GPAT3: variants seen among roughly 807,000 people sequenced by gnomAD.
GPAT3 encodes the protein glycerol-3-phosphate acyltransferase 3, also known as 1-AGP acyltransferase 9.
GPAT3 carries 53 observed loss-of-function variants against 58.8 expected under a neutral mutation model. The ratio of observed to expected loss-of-function variants is 0.90; its 90% confidence interval spans 0.72 to 1.13. The LOEUF is 1.13. GPAT3 is among the 50% of genes most tolerant of loss of function. The pLI is 0.00. For missense variants in GPAT3, 511 were observed against 527.6 expected, an observed-to-expected ratio of 0.97 and a Z score of 0.31; for synonymous variants, 197 against 187.4, an observed-to-expected ratio of 1.05 and a Z score of -0.42.
At chr4:83,562,209 TATTATATATATATATAATATATATATA>T (rs1560611047) in intron 2 of GPAT3, among the ~76,000 whole-genome samples, 55 of 33,994 alleles carry the variant, frequency 1.6e-3, no homozygotes, top group South Asian at 4.5e-3. Context: ...AATATATATA[TATTATATATATATATAATATATATATA>T]ATATATATAT....
At position 83,587,298 on chromosome 4, in the gene GPAT3, A is replaced by G. The variant is rs1320000078; in HGVS notation, c.523A>G (p.Thr175Ala). 2 of 1,613,848 alleles carry G rather than the reference A, an allele frequency of 1.2e-6. No homozygotes were observed. The highest frequency in any genetic ancestry group is 1.7e-6 in the Non-Finnish European group (2 of 1,179,958). ...FIGISLLVIGTTLVGQLPDSS... is the reference protein window; with the variant it reads ...FIGISLLVIGATLVGQLPDSS... The stretch of plus-strand genomic sequence containing the variant: ...TGGGATCAGTTTGCTGGTTATAGGA[A>G]CTACACTGGTTGGGCAGCTGCCAGA... Residue 175 changes from threonine (T) to alanine (A), a missense_variant, in exon 4 of 12, where the codon ACT becomes GCT. By Grantham distance (58) the Thr-to-Ala change is moderately conservative. Coordinates refer to ENST00000264409, the MANE Select transcript of GPAT3 (RefSeq NM_032717.5).
intron 1 of GPAT3, among the ~76,000 whole-genome samples, chr4:83,541,184 TC>T (rs2110068614): frequency 6.6e-6 from 1 of 152,090 alleles, no homozygotes; most frequent in Admixed American, 6.6e-5. Flanking sequence ...TAGTGCAAAT[TC>T]CCTTAGGCAC....
chr4:83,556,537 A>G (rs751772755), intron 2 of GPAT3, among the ~76,000 whole-genome samples: 2 of 150,524 alleles, frequency 1.3e-5, no homozygotes, highest in Non-Finnish European at 2.9e-5. Flanking sequence ...CAAAAAAGGG[A>G]ACTCTGCCTG....
chr4:83,598,501 A>G (rs1358215029), intron 10 of GPAT3, 143 bp from the exon 11 acceptor site: 12 of 818,454 alleles, frequency 1.5e-5, no homozygotes, highest in Non-Finnish European at 2.4e-5. Flanking sequence ...AACAAATGAT[A>G]TTTGCTATGA....
rs776099470 is a variant in GPAT3, at chr4:83,596,856, A to G, written c.855-2A>G. The G allele has an allele frequency of 6.2e-7, 1 of 1,602,862 alleles. No homozygotes were observed. The highest frequency in any genetic ancestry group is 8.5e-7 in the Non-Finnish European group (1 of 1,175,886). ...GAATTTTGATCCTTTTTTTTTCCAT[A>G]GACTAAAAGAACATATTGCTGATAA... On this transcript the variant is annotated splice_acceptor_variant, in intron 7 of 11. Transcript: ENST00000264409. LOFTEE classifies it high-confidence loss of function.
Position 83,598,159 on chromosome 4 carries a change from A to G in GPAT3, c.1105A>G (p.Met369Val). 4 of 1,613,260 alleles carry G rather than the reference A, an allele frequency of 2.5e-6. No homozygotes were observed. The highest frequency in any genetic ancestry group is 3.4e-6 in the Non-Finnish European group (4 of 1,179,742). The change falls in exon 10 of 12, where the codon ATG (methionine) becomes GTG (valine). Residue 369 changes from methionine (M) to valine (V), a missense_variant. Physicochemically the swap from Met to Val is conservative, Grantham distance 21. Coordinates refer to ENST00000264409, the MANE Select transcript of GPAT3 (RefSeq NM_032717.5). ...SWAIVCDVWYMPPMTREEGED... is the reference protein window; with the variant it reads ...SWAIVCDVWYVPPMTREEGED... ...GGCCATCGTCTGTGACGTGTGGTAC[A>G]TGCCCCCCATGACCAGAGAGGTATT...
chr4:83,599,548 G>C (rs1481009864), intron 11 of GPAT3, among the ~76,000 whole-genome samples: 1 of 152,142 alleles, frequency 6.6e-6, no homozygotes, highest in East Asian at 1.9e-4. Context: ...AAGAAAGCGG[G>C]AATGGATTTG....
intron 2 of GPAT3, among the ~76,000 whole-genome samples, chr4:83,579,231 TCTCC>T (rs1226143440): frequency 4.3e-5 from 6 of 139,916 alleles, no homozygotes; most frequent in Non-Finnish European, 9.3e-5. Flanking sequence ...TCCTTCCTTC[TCTCC>T]CTCTTTTCTC....
chr4:83,595,666 A>G (rs1481151478), intron 7 of GPAT3, among the ~76,000 whole-genome samples: 1 of 152,010 alleles, frequency 6.6e-6, no homozygotes, highest in African/African-American at 2.4e-5. Flanking sequence ...GTGAGCTGAG[A>G]TTACACTACT....
intron 1 of GPAT3, among the ~76,000 whole-genome samples, chr4:83,542,117 T>G (rs1724327540): frequency 6.6e-6 from 1 of 152,242 alleles, no homozygotes; most frequent in East Asian, 1.9e-4. Flanking sequence ...ACCAGCATTT[T>G]CCATCATATG....
At chr4:83,580,305 T>G (rs1161821844) in intron 2 of GPAT3, among the ~76,000 whole-genome samples, 1 of 152,250 alleles carries the variant, frequency 6.6e-6, no homozygotes, top group African/African-American at 2.4e-5. Context: ...ATTTTTACAT[T>G]TTTTCTATGT....
rs139694427 is a variant in GPAT3 at position 83,605,741 on chromosome 4, A to C, written c.*974A>C. On this transcript the variant is annotated 3_prime_UTR_variant, in exon 12 of 12. Coordinates refer to ENST00000264409, the MANE Select transcript of GPAT3 (RefSeq NM_032717.5). Reference sequence around the variant, plus strand: ...TAGAGGGGGAAATAAGTTTTCCCCAACTCACACAGCATAAGCAATGTTTGA... The same window carrying C: ...TAGAGGGGGAAATAAGTTTTCCCCACCTCACACAGCATAAGCAATGTTTGA... 6.5e-6 allele frequency: 1 copy of C among 152,720 alleles called. No homozygotes were observed. The highest frequency in any genetic ancestry group is 1.9e-4 in the East Asian group (1 of 5,194). The allele number at this position is 152,720 out of a possible 1,614,324, so 9.5% of individuals were successfully genotyped here. A position where few individuals can be genotyped will look rare whatever the true frequency, so the allele number is the denominator to read the frequency against.
At chr4:83,602,796 A>G (rs1727107626) in intron 11 of GPAT3, among the ~76,000 whole-genome samples, 1 of 152,200 alleles carries the variant, frequency 6.6e-6, no homozygotes, top group South Asian at 2.1e-4. Flanking sequence ...AGTTCTCACT[A>G]TTCAGAATTC....
At chr4:83,585,259 C>T (rs1726334748) in intron 3 of GPAT3, among the ~76,000 whole-genome samples, 2 of 151,034 alleles carry the variant, frequency 1.3e-5, no homozygotes, top group South Asian at 4.2e-4. Flanking sequence ...TTTCTTCTTG[C>T]TCAAAATTGT....
chr4:83,595,594 A>G (rs1422699210), intron 7 of GPAT3, among the ~76,000 whole-genome samples: 2 of 152,096 alleles, frequency 1.3e-5, no homozygotes, highest in African/African-American at 4.8e-5. Context: ...GTGGTGGCAT[A>G]TGCCTGTGGT....
chr4:83,581,738 A>G lies in GPAT3; in HGVS notation c.385A>G (p.Arg129Gly), dbSNP rs1726138761. ...GCTAGTGTCATGGAATCTCCTCACA[A>G]GAACCAATGTAAATTTCCAGTACAT... is the stretch of plus-strand genomic sequence containing the variant. The part of the protein sequence containing the change: ...EELVSWNLLT[R>G]TNVNFQYISL... The change falls in exon 3 of 12, where the codon AGA becomes GGA. Residue 129 changes from arginine to glycine, a missense_variant. Coordinates refer to ENST00000264409, the MANE Select transcript of GPAT3 (RefSeq NM_032717.5). The G allele has an allele frequency of 1.2e-6, 2 of 1,614,190 alleles. No individual in the cohort carries two copies. The highest frequency in any genetic ancestry group is 1.7e-6 in the Non-Finnish European group (2 of 1,180,034).
intron 2 of GPAT3, among the ~76,000 whole-genome samples, chr4:83,553,182 G>A (rs989935535): frequency 2.0e-5 from 3 of 152,158 alleles, no homozygotes; most frequent in Admixed American, 6.5e-5. Context: ...AGGATGAAGT[G>A]GTTCTGGCAG....
chr4:83,552,341 G>C, intron 2 of GPAT3, among the ~76,000 whole-genome samples: 1 of 152,142 alleles, frequency 6.6e-6, no homozygotes, highest in Non-Finnish European at 1.5e-5. Flanking sequence ...TGTCCCCTGG[G>C]GGCACTTCTC....
chr4:83,566,565 C>T (rs1023667231), intron 2 of GPAT3, among the ~76,000 whole-genome samples: 1 of 151,404 alleles, frequency 6.6e-6, no homozygotes, highest in African/African-American at 2.4e-5. Flanking sequence ...AGCCACTACG[C>T]CCGGCCTCCT....
Sources: allele counts gnomAD v4.1 joint callset (sites outside exome capture counted in the v4.1 genomes callset), GRCh38; gene constraint gnomAD v4.1.1; transcripts MANE v1.5; gene names NCBI Gene and HGNC (gene_info 2026-07-23, HGNC 2026-07-21).